CARMIL1: variants seen among roughly 807,000 people sequenced by gnomAD.
CARMIL1 encodes the protein F-actin-uncapping protein LRRC16A.
A neutral mutation model predicts 177.1 loss-of-function variants in CARMIL1; 90 were observed. That is an observed-to-expected ratio of 0.51 (90% CI 0.43 to 0.61). The LOEUF is 0.61. Ranked by LOEUF, CARMIL1 falls within the 20% of genes least tolerant of loss-of-function variation. The pLI is 0.00. For missense variants in CARMIL1, 1,380 were observed against 1,667.0 expected (o/e 0.83, Z 3.00); for synonymous variants, 577 against 606.2 (o/e 0.95, Z 0.71).
Position 25,452,049 on chromosome 6 carries a change from CCAGAATT to C in CARMIL1, c.614+1339_614+1345del, listed in dbSNP as rs778110328. The C allele has an allele frequency of 1.9e-5, 10 of 514,202 alleles. No individual in the cohort carries two copies. The East Asian group carries it at 4.1e-4, about 21-fold the overall frequency. The allele number at this position is 514,202 out of a possible 1,614,324, so 31.9% of individuals were successfully genotyped here. On this transcript the variant is annotated intron_variant, in intron 8 of 36. Transcript: ENST00000329474. ...TTTTTCCACCTACCTGGCAGGAAATCCAGAATTGCAGTGTGGTCCCTGAAGAGCTCTA... is the reference window on the plus strand; with the variant it reads ...TTTTTCCACCTACCTGGCAGGAAATCGCAGTGTGGTCCCTGAAGAGCTCTA...
intron 17 of CARMIL1, among the ~76,000 whole-genome samples, chr6:25,503,117 A>G (rs977723906): frequency 2.0e-5 from 3 of 152,250 alleles, no homozygotes; most frequent in Non-Finnish European, 4.4e-5. Context: ...AATTCAGGTC[A>G]AATGGTTAAT....
At chr6:25,612,800 G>C (rs752522378) in intron 36 of CARMIL1, 2 of 985,304 alleles carry the variant, frequency 2.0e-6, no homozygotes, top group Non-Finnish European at 2.4e-6. Flanking sequence ...CCTTCCAGTA[G>C]AGGGAAAAGA....
chr6:25,568,570 G>A (rs1054272858), intron 29 of CARMIL1, among the ~76,000 whole-genome samples: 7 of 152,182 alleles, frequency 4.6e-5, no homozygotes, highest in Non-Finnish European at 8.8e-5. Context: ...GTGGGTACCT[G>A]CAAATCAAGA....
At chr6:25,444,687 T>G (rs1394252869) in intron 5 of CARMIL1, among the ~76,000 whole-genome samples, 2 of 152,230 alleles carry the variant, frequency 1.3e-5, no homozygotes. Flanking sequence ...TCCATGTCCC[T>G]GCAAAGGACA....
chr6:25,459,996 G>A (rs982996087), intron 8 of CARMIL1, among the ~76,000 whole-genome samples: 4 of 152,198 alleles, frequency 2.6e-5, no homozygotes, highest in Non-Finnish European at 4.4e-5. Context: ...ACTGGTGATG[G>A]TAAAAAGCTG....
At chr6:25,549,770 ACCAGTAATAGGAT>A (rs1809890118) in intron 26 of CARMIL1, among the ~76,000 whole-genome samples, 1 of 152,184 alleles carries the variant, frequency 6.6e-6, no homozygotes, top group Non-Finnish European at 1.5e-5. Context: ...TTCACAGTGG[ACCAGTAATAGGAT>A]CCAAGCCTTG....
At chr6:25,424,885 A>G (rs1166831353) in intron 3 of CARMIL1, among the ~76,000 whole-genome samples, 5 of 152,206 alleles carry the variant, frequency 3.3e-5, no homozygotes, top group African/African-American at 9.6e-5. Context: ...AGTATGGCTT[A>G]TGCAGAAAGG....
At chr6:25,434,850 G>A (rs542136048) in intron 4 of CARMIL1, among the ~76,000 whole-genome samples, 4 of 152,110 alleles carry the variant, frequency 2.6e-5, no homozygotes, top group Admixed American at 2.0e-4. Flanking sequence ...GTGCCCTGCC[G>A]ATCGAAACTT....
chr6:25,350,646 A>G (rs1788020133), intron 2 of CARMIL1: 1 of 152,200 alleles, frequency 6.6e-6, no homozygotes, highest in African/African-American at 2.4e-5. Flanking sequence ...GTTATTCTTG[A>G]CAAGGAGTTA....
At chr6:25,454,721 C>G (rs372326670) in intron 8 of CARMIL1, among the ~76,000 whole-genome samples, 5 of 152,118 alleles carry the variant, frequency 3.3e-5, no homozygotes, top group African/African-American at 1.2e-4. Flanking sequence ...GTTCTCAGTC[C>G]TTTTAGATGG....
intron 17 of CARMIL1, among the ~76,000 whole-genome samples, chr6:25,504,992 G>T (rs114253133): frequency 4.0e-4 from 61 of 152,176 alleles, no homozygotes; most frequent in Admixed American, 2.0e-3. Context: ...GGAGTAAAAG[G>T]TTTGAGATGG....
rs144985490 is a variant in CARMIL1, at chr6:25,387,541, A to G, written c.139-32573A>G. Among the ~76,000 whole-genome samples the G allele has an allele frequency of 2.2e-3, 331 of 152,372 alleles. 2 individuals carry two copies. Among genetic ancestry groups the G allele is most frequent in the African/African-American group, 7.6e-3 (318 of 41,596 alleles). On this transcript the variant is annotated intron_variant, in intron 2 of 36. Transcript: ENST00000329474. The stretch of plus-strand genomic sequence containing the variant: ...TTTATAACCTTTTCAATAGCAGTAT[A>G]TATTCTGCAATTCAGCAGCTTTTCT...
chr6:25,553,659 G>T (rs1018025110), intron 27 of CARMIL1, among the ~76,000 whole-genome samples: 5 of 152,136 alleles, frequency 3.3e-5, no homozygotes, highest in African/African-American at 1.2e-4. Flanking sequence ...TCCAGCCCAG[G>T]TTTGTTTTCC....
chr6:25,360,554 T>A (rs1057325726), intron 2 of CARMIL1, among the ~76,000 whole-genome samples: 1 of 152,036 alleles, frequency 6.6e-6, no homozygotes, highest in Non-Finnish European at 1.5e-5. Context: ...TACCAGAAAA[T>A]TTTTTTTGGC....
intron 29 of CARMIL1, among the ~76,000 whole-genome samples, chr6:25,557,474 TATTTC>T (rs1300000399): frequency 6.6e-6 from 1 of 152,234 alleles, no homozygotes; most frequent in African/African-American, 2.4e-5. Context: ...ATCTGAATCC[TATTTC>T]ATTATTTTAA....
chr6:25,586,662 A>C (rs1813740431), intron 31 of CARMIL1, among the ~76,000 whole-genome samples: 1 of 152,102 alleles, frequency 6.6e-6, no homozygotes, highest in Non-Finnish European at 1.5e-5. Context: ...CAGCCTGGGC[A>C]ACATTGAGCA....
chr6:25,449,018 A>G (rs1305861101), intron 5 of CARMIL1, among the ~76,000 whole-genome samples: 1 of 148,574 alleles, frequency 6.7e-6, no homozygotes, highest in Non-Finnish European at 1.5e-5. Context: ...AGCAATCCTC[A>G]GCCTCCTGAG....
At chr6:25,524,896 A>G (rs435759) in intron 23 of CARMIL1, among the ~76,000 whole-genome samples, 91,014 of 151,380 alleles carry the variant, frequency 0.6, 27,520 homozygotes, top group African/African-American at 0.63. Flanking sequence ...GAATCATTGA[A>G]CTCTAAGATT....
chr6:25,553,184 A>G (rs1810282496), intron 27 of CARMIL1, among the ~76,000 whole-genome samples: 1 of 152,190 alleles, frequency 6.6e-6, no homozygotes, highest in Non-Finnish European at 1.5e-5. Flanking sequence ...TTATGCGACA[A>G]TATTGGAATA....
Sources: allele counts gnomAD v4.1 joint callset (sites outside exome capture counted in the v4.1 genomes callset), GRCh38; gene constraint gnomAD v4.1.1; transcripts MANE v1.5; gene names NCBI Gene and HGNC (gene_info 2026-07-23, HGNC 2026-07-21).